FAM227B: variants seen among roughly 807,000 people sequenced by gnomAD.
FAM227B encodes the protein family with sequence similarity 227 member B, also known as protein FAM227B.
FAM227B carries 88 observed loss-of-function variants against 73.8 expected under a neutral mutation model. The observed-to-expected ratio is 1.19, with a 90% CI of 1.00 to 1.42. FAM227B has a LOEUF of 1.42. Ranked by LOEUF, FAM227B falls within the 40% of genes most tolerant of loss-of-function variation. The pLI, the probability that FAM227B is intolerant of heterozygous loss-of-function variation, is 0.00. For synonymous variants in FAM227B, 210 were observed against 190.5 expected (o/e 1.10, Z -0.84); for missense variants, 632 against 590.9 (o/e 1.07, Z -0.72).
intron 11 of FAM227B, among the ~76,000 whole-genome samples, chr15:49,476,614 A>G (rs1335146565): frequency 6.6e-6 from 1 of 151,004 alleles, no homozygotes; most frequent in Non-Finnish European, 1.5e-5. Flanking sequence ...AATAAATCAC[A>G]TATGTTCTAT....
chr15:49,452,091 G>GA (rs2052806614), intron 11 of FAM227B, among the ~76,000 whole-genome samples: 2 of 151,954 alleles, frequency 1.3e-5, no homozygotes, highest in African/African-American at 2.4e-5. Flanking sequence ...GCCCAGGCTG[G>GA]AGTGCAATGG....
intron 10 of FAM227B, among the ~76,000 whole-genome samples, chr15:49,525,708 A>C (rs948730090): frequency 1.5e-5 from 2 of 129,280 alleles, no homozygotes; most frequent in African/African-American, 3.0e-5. Context: ...ATATATATAT[A>C]TATATATATA....
At chr15:49,546,386 C>G (rs2071887092) in intron 9 of FAM227B, among the ~76,000 whole-genome samples, 1 of 152,144 alleles carries the variant, frequency 6.6e-6, no homozygotes, top group Non-Finnish European at 1.5e-5. Context: ...GGTTCCAAGT[C>G]TTTGCTATTG....
At chr15:49,477,618 C>T (rs770869179) in intron 11 of FAM227B, among the ~76,000 whole-genome samples, 5 of 152,066 alleles carry the variant, frequency 3.3e-5, no homozygotes, top group African/African-American at 7.2e-5. Context: ...TTTGATGATA[C>T]GAATAAAGCT....
intron 11 of FAM227B, among the ~76,000 whole-genome samples, chr15:49,397,587 G>A (rs542705867): frequency 1.6e-3 from 251 of 152,168 alleles, no homozygotes; most frequent in Non-Finnish European, 2.7e-3. Flanking sequence ...AATGTTAAGG[G>A]CAGCTAGAGA....
At chr15:49,424,488 T>G in intron 11 of FAM227B, 1 of 1,613,412 alleles carries the variant, frequency 6.2e-7, no homozygotes, top group Non-Finnish European at 8.5e-7. Context: ...GGAGGGGATA[T>G]AAGAGTGAGA....
At position 49,375,404 on chromosome 15, in the gene FAM227B, T is replaced by C. The variant is rs536146661; in HGVS notation, c.1013-4005A>G. ...ATTTTTGGGAGTTACTTTTATCCATTATTTCTTACTATGAATTATATTTGT... is the reference window on the plus strand; with the variant it reads ...ATTTTTGGGAGTTACTTTTATCCATCATTTCTTACTATGAATTATATTTGT... On this transcript the variant is annotated intron_variant, in intron 11 of 15. Transcript: ENST00000299338. Among the ~76,000 whole-genome samples the C allele has an allele frequency of 9.2e-5, 14 of 152,282 alleles. No individual in the cohort carries two copies. In the South Asian group the frequency reaches 2.9e-3, roughly 32 times the overall value.
chr15:49,422,167 C>T (rs146529156), intron 11 of FAM227B, among the ~76,000 whole-genome samples: 34,532 of 131,572 alleles, frequency 0.26, 4,476 homozygotes, highest in African/African-American at 0.4. Flanking sequence ...TGTGTGTGCG[C>T]GCGCGCGCGC....
intron 15 of FAM227B, chr15:49,331,248 G>A (rs559381911): frequency 6.5e-6 from 1 of 153,448 alleles, no homozygotes; most frequent in Non-Finnish European, 1.5e-5. Flanking sequence ...TCTGTTGGGA[G>A]AGAAGAAGCC....
At chr15:49,573,716 C>T (rs2075273840) in intron 8 of FAM227B, among the ~76,000 whole-genome samples, 1 of 152,140 alleles carries the variant, frequency 6.6e-6, no homozygotes, top group Admixed American at 6.6e-5. Context: ...CATTATAAAT[C>T]ACCATTCTGT....
intron 13 of FAM227B, among the ~76,000 whole-genome samples, chr15:49,339,216 G>A (rs935270742): frequency 1.3e-4 from 20 of 152,122 alleles, no homozygotes; most frequent in African/African-American, 4.1e-4. Context: ...AGGCATTCTG[G>A]TTTTTGGAAT....
intron 9 of FAM227B, among the ~76,000 whole-genome samples, chr15:49,552,452 C>G (rs924902574): frequency 6.6e-6 from 1 of 152,116 alleles, no homozygotes; most frequent in African/African-American, 2.4e-5. Context: ...TATTAAACAT[C>G]TTAAGTAATC....
intron 11 of FAM227B, among the ~76,000 whole-genome samples, chr15:49,420,127 A>G (rs1244339773): frequency 6.6e-6 from 1 of 152,318 alleles, no homozygotes; most frequent in South Asian, 2.1e-4. Flanking sequence ...TAAGTTGGCA[A>G]TATCTTTTTT....
At chr15:49,474,055 G>A (rs1349619545) in intron 11 of FAM227B, among the ~76,000 whole-genome samples, 7 of 152,054 alleles carry the variant, frequency 4.6e-5, no homozygotes, top group South Asian at 2.1e-4. Flanking sequence ...TTTGATAGGC[G>A]AACTTTTTAT....
chr15:49,590,093 C>T (rs920900884), intron 3 of FAM227B, 86 bp from the exon 4 acceptor site: 12 of 721,876 alleles, frequency 1.7e-5, no homozygotes, highest in African/African-American at 1.6e-4. Context: ...GAGCTATAAT[C>T]GAGATTTTAT....
intron 13 of FAM227B, chr15:49,353,581 A>T (rs536998374): frequency 2.9e-4 from 44 of 151,618 alleles, no homozygotes; most frequent in African/African-American, 1.0e-3. Flanking sequence ...TATGACATTG[A>T]CACCCAATTT....
intron 10 of FAM227B, among the ~76,000 whole-genome samples, chr15:49,532,054 CTATA>C (rs1057318012): frequency 4.2e-4 from 63 of 148,520 alleles, no homozygotes; most frequent in Non-Finnish European, 8.0e-4. Context: ...AAGGGAATAT[CTATA>C]TATAAAATAT....
intron 11 of FAM227B, among the ~76,000 whole-genome samples, chr15:49,499,360 C>T (rs1457725255): frequency 1.3e-5 from 2 of 151,834 alleles, no homozygotes; most frequent in Non-Finnish European, 2.9e-5. Context: ...AAAGATGTGT[C>T]TGTATAGTAA....
At position 49,392,880 on chromosome 15, in the gene FAM227B, T is replaced by C. The variant is rs549037224; in HGVS notation, c.1013-21481A>G. On this transcript the variant is annotated intron_variant, in intron 11 of 15. Coordinates refer to ENST00000299338, the MANE Select transcript of FAM227B (RefSeq NM_152647.3). ...TTTGTAATGGAGAAAGGTAACATGA[T>C]AGTCTATTGGAAGATTTTGAATTGG... Among the ~76,000 whole-genome samples, 137 of 152,296 alleles carry C rather than the reference T, an allele frequency of 9.0e-4. 5 individuals carry two copies. The South Asian group carries it at 0.027, about 30-fold the overall frequency.
Sources: allele counts gnomAD v4.1 joint callset (sites outside exome capture counted in the v4.1 genomes callset), GRCh38; gene constraint gnomAD v4.1.1; transcripts MANE v1.5; gene names NCBI Gene and HGNC (gene_info 2026-07-23, HGNC 2026-07-21).